The following ADAM23 variants were observed in gnomAD, a reference collection of about 807,000 sequenced individuals.
ADAM23 encodes ADAM metallopeptidase domain 23.
In ADAM23, 33 loss-of-function variants were observed where a neutral mutation model predicts 120.1. That is an observed-to-expected ratio of 0.27 (90% CI 0.21 to 0.37). The LOEUF (loss-of-function observed/expected upper bound fraction) is 0.37. ADAM23 is among the 10% of genes least tolerant of loss of function. ADAM23 has a pLI of 1.00. For synonymous variants in ADAM23, 367 were observed against 375.2 expected, an observed-to-expected ratio of 0.98 and a Z score of 0.25; for missense variants, 862 against 1,058.2, an observed-to-expected ratio of 0.81 and a Z score of 2.57.
intron 2 of ADAM23, among the ~76,000 whole-genome samples, chr2:206,465,134 C>T (rs190970499): frequency 2.0e-5 from 3 of 152,232 alleles, no homozygotes; most frequent in Admixed American, 2.0e-4. Flanking sequence ...TAGCCTCAAA[C>T]TTTTGGGCTT....
At position 206,609,962 on chromosome 2, in the gene ADAM23, A is replaced by G. The variant is rs1698797473; in HGVS notation, c.2412A>G (p.Val804=). The change falls in exon 25 of 26, where the codon GTA becomes GTG. Residue 804 remains valine, a synonymous_variant. Transcript: ENST00000264377. ...IIGSIAGAIL[V]AAIVLGGTGW... is the part of the protein sequence containing the mutation. ...GCTCCATCGCTGGTGCCATCCTGGTAGCAGCTATTGTCCTTGGGGGCACAG... is the reference window on the plus strand; with the variant it reads ...GCTCCATCGCTGGTGCCATCCTGGTGGCAGCTATTGTCCTTGGGGGCACAG... 1 of 1,598,636 alleles carries G rather than the reference A, an allele frequency of 6.3e-7. No homozygotes were observed. The highest frequency in any genetic ancestry group is 1.4e-5 in the African/African-American group (1 of 73,734).
chr2:206,445,302 A>G lies in ADAM23; in HGVS notation c.215-5A>G, dbSNP rs866077453. The G allele has an allele frequency of 6.2e-7, 1 of 1,611,180 alleles. No homozygotes were observed. Among genetic ancestry groups the G allele is most frequent in the Non-Finnish European group, 8.5e-7 (1 of 1,178,198 alleles). On this transcript the variant is annotated splice_polypyrimidine_tract_variant and splice_region_variant and intron_variant, in intron 1 of 25. Transcript: ENST00000264377. ...TCTGCTCCCCCACCCCCCTACCTCC[A>G]CCAGCTCCGCATTGGAATGAAACTG... is the stretch of plus-strand genomic sequence containing the variant.
At chr2:206,573,714 A>G (rs2105833267) in intron 18 of ADAM23, among the ~76,000 whole-genome samples, 1 of 152,306 alleles carries the variant, frequency 6.6e-6, no homozygotes, top group Admixed American at 6.5e-5. Flanking sequence ...TAACTGTATC[A>G]GCTGTTGAAA....
intron 3 of ADAM23, among the ~76,000 whole-genome samples, chr2:206,495,190 A>G (rs1252269908): frequency 2.0e-5 from 3 of 152,162 alleles, no homozygotes; most frequent in East Asian, 1.9e-4. Context: ...TCCAAGACAC[A>G]TAATTGTCAG....
chr2:206,588,616 C>G (rs762393163), intron 20 of ADAM23, among the ~76,000 whole-genome samples: 2 of 152,194 alleles, frequency 1.3e-5, no homozygotes, highest in African/African-American at 2.4e-5. Flanking sequence ...CATGTACTTC[C>G]TGAGATGCAG....
chr2:206,502,361 G>A (rs1003264120), intron 3 of ADAM23, among the ~76,000 whole-genome samples: 1 of 151,896 alleles, frequency 6.6e-6, no homozygotes, highest in African/African-American at 2.4e-5. Flanking sequence ...CTGTGTTTAT[G>A]GATTTAAAAG....
chr2:206,459,749 C>T (rs1429335513), intron 2 of ADAM23, among the ~76,000 whole-genome samples: 1 of 152,206 alleles, frequency 6.6e-6, no homozygotes, highest in Non-Finnish European at 1.5e-5. Flanking sequence ...TAGCCCGTCC[C>T]TCCCAAATCC....
At chr2:206,542,237 G>A in intron 5 of ADAM23, 103 bp downstream of exon 5, 3 of 1,144,108 alleles carry the variant, frequency 2.6e-6, no homozygotes, top group Non-Finnish European at 3.9e-6. Context: ...GCTGTGTTAG[G>A]GACTGCATGT....
chr2:206,583,522 C>T (rs538029072), intron 18 of ADAM23, among the ~76,000 whole-genome samples: 49 of 151,030 alleles, frequency 3.2e-4, no homozygotes, highest in Middle Eastern at 3.5e-3. Flanking sequence ...GATTGTTTAA[C>T]ATATCAAACC....
intron 3 of ADAM23, among the ~76,000 whole-genome samples, chr2:206,501,986 T>G (rs2105894208): frequency 6.6e-6 from 1 of 152,292 alleles, no homozygotes; most frequent in South Asian, 2.1e-4. Flanking sequence ...AAATATTAGT[T>G]TATTCTAAAA....
intron 6 of ADAM23, 109 bp from the exon 7 acceptor site, chr2:206,547,320 A>T (rs1268746058): frequency 3.8e-6 from 3 of 797,764 alleles, no homozygotes; most frequent in Non-Finnish European, 5.9e-6. Flanking sequence ...AAAAACTGAC[A>T]TATAAATATT....
At chr2:206,599,212 A>G (rs1391833199) in intron 24 of ADAM23, among the ~76,000 whole-genome samples, 1 of 152,030 alleles carries the variant, frequency 6.6e-6, no homozygotes, top group African/African-American at 2.4e-5. Flanking sequence ...CTCAAAAAAA[A>G]AAAAAAAAAG....
At chr2:206,548,409 C>T (rs1697444805) in intron 8 of ADAM23, 55 bp downstream of exon 8, 2 of 1,506,610 alleles carry the variant, frequency 1.3e-6, no homozygotes, top group East Asian at 2.3e-5. Flanking sequence ...AAGTCATGTG[C>T]CTATCACCCC....
chr2:206,535,527 A>C (rs564193819), intron 4 of ADAM23, among the ~76,000 whole-genome samples: 1 of 152,364 alleles, frequency 6.6e-6, no homozygotes, highest in East Asian at 1.9e-4. Context: ...AACATTATTC[A>C]TAGTAGCCAA....
In ADAM23 at chr2:206,619,562, T is replaced by C. The variant is rs1434762072; in HGVS notation, c.*1935T>C. 1 of 151,902 alleles carries C rather than the reference T, an allele frequency of 6.6e-6. No individual in the cohort carries two copies. Among genetic ancestry groups the C allele is most frequent in the Admixed American group, 6.6e-5 (1 of 15,254 alleles). The allele number at this position is 151,902 out of a possible 1,614,324, so 9.4% of individuals were successfully genotyped here. A position where few individuals can be genotyped will look rare whatever the true frequency, so the allele number is the denominator to read the frequency against. On this transcript the variant is annotated 3_prime_UTR_variant, in exon 26 of 26. Coordinates refer to ENST00000264377, the MANE Select transcript of ADAM23 (RefSeq NM_003812.4). ...AACATGCAGTTTTACTCATCACTTC[T>C]TCATGACACCAAATCCATTGCTAGG...
intron 3 of ADAM23, among the ~76,000 whole-genome samples, chr2:206,511,226 A>G (rs146080933): frequency 1.3e-5 from 2 of 151,728 alleles, no homozygotes; most frequent in East Asian, 3.9e-4. Flanking sequence ...TGTCTCTTTG[A>G]AGTCCTTTTA....
chr2:206,447,051 T>C (rs1695096090), intron 2 of ADAM23, among the ~76,000 whole-genome samples: 1 of 152,196 alleles, frequency 6.6e-6, no homozygotes, highest in Non-Finnish European at 1.5e-5. Flanking sequence ...CAAAGAATGC[T>C]CAAGCCCTCC....
intron 6 of ADAM23, among the ~76,000 whole-genome samples, chr2:206,545,054 C>T (rs1697367218): frequency 6.6e-6 from 1 of 152,006 alleles, no homozygotes; most frequent in African/African-American, 2.4e-5. Context: ...GATTAAGGCA[C>T]TGAGAGGTAA....
chr2:206,472,435 C>T (rs1695678922), intron 2 of ADAM23, among the ~76,000 whole-genome samples: 1 of 151,584 alleles, frequency 6.6e-6, no homozygotes. Flanking sequence ...TATGGTGAAA[C>T]CCTGTCTTTA....
Sources: gnomAD v4.1 joint callset for allele counts (sites outside exome capture counted in the v4.1 genomes callset) on GRCh38, gnomAD v4.1.1 for gene constraint, MANE v1.5 for transcripts, NCBI Gene and HGNC (gene_info 2026-07-23, HGNC 2026-07-21) for gene names.